KBTBD12: variants seen among roughly 807,000 people sequenced by gnomAD.
KBTBD12 encodes kelch repeat and BTB domain-containing protein 12.
Under a neutral mutation model 58.7 loss-of-function variants are expected in KBTBD12, and 53 were observed. That is an observed-to-expected ratio of 0.90 (90% CI 0.72 to 1.14). The LOEUF (loss-of-function observed/expected upper bound fraction) is 1.14. Among genes scored for constraint, KBTBD12 ranks in the 50% most tolerant of loss-of-function variants. KBTBD12 has a pLI of 0.00. For synonymous variants in KBTBD12, 236 were observed against 259.8 expected (o/e 0.91, Z 0.88); for missense variants, 704 against 751.3 (o/e 0.94, Z 0.74).
chr3:127,977,770 A>G (rs1312413079), intron 5 of KBTBD12, among the ~76,000 whole-genome samples: 2 of 152,038 alleles, frequency 1.3e-5, no homozygotes, highest in African/African-American at 2.4e-5. Context: ...CTCCCATTCT[A>G]TAGGTTGTTT....
At chr3:127,939,426 G>A (rs1350942447) in intron 4 of KBTBD12, among the ~76,000 whole-genome samples, 1 of 151,982 alleles carries the variant, frequency 6.6e-6, no homozygotes, top group African/African-American at 2.4e-5. Context: ...TCTCAGGGAG[G>A]GTTTTTCAAT....
rs200328615 is a variant in KBTBD12 at position 127,958,672 on chromosome 3, TC to T, written c.1493-4514del. Among the ~76,000 whole-genome samples, 904 of 152,280 alleles carry T rather than the reference TC, an allele frequency of 5.9e-3. 10 individuals carry two copies. The highest frequency in any genetic ancestry group is 0.021 in the African/African-American group (854 of 41,554). On this transcript the variant is annotated intron_variant, in intron 4 of 5. Coordinates refer to ENST00000405109, the MANE Select transcript of KBTBD12 (RefSeq NM_207335.4). ...TCAGATAATTCCAACACTTGATTTT[TC>T]CCTCCAAAATGAAGCAAAATCAAGC...
At chr3:127,983,169 AT>A (rs1465386424) in intron 5 of KBTBD12, among the ~76,000 whole-genome samples, 2 of 152,230 alleles carry the variant, frequency 1.3e-5, no homozygotes, top group Non-Finnish European at 2.9e-5. Flanking sequence ...TTTTGACTGA[AT>A]TGTGAACGTG....
intron 2 of KBTBD12, 41 bp downstream of exon 2, chr3:127,924,172 G>C: frequency 7.8e-7 from 1 of 1,281,376 alleles, no homozygotes; most frequent in Non-Finnish European, 1.1e-6. Context: ...ATTTTGTTTT[G>C]ATACTAGCAG....
At chr3:127,982,510 T>TA (rs1422643815) in intron 5 of KBTBD12, among the ~76,000 whole-genome samples, 1 of 152,106 alleles carries the variant, frequency 6.6e-6, no homozygotes, top group Non-Finnish European at 1.5e-5. Flanking sequence ...AGGTGTCCAC[T>TA]CTCCCCTGCC....
chr3:127,932,081 A>G (rs1939717202), intron 4 of KBTBD12, among the ~76,000 whole-genome samples: 1 of 152,126 alleles, frequency 6.6e-6, no homozygotes, highest in Non-Finnish European at 1.5e-5. Flanking sequence ...AACACAGCAA[A>G]GAGAAGAAGA....
chr3:127,972,154 T>C lies in KBTBD12; in HGVS notation c.1690+8768T>C, dbSNP rs61055793. 5.7e-3 allele frequency among the ~76,000 whole-genome samples: 861 copies of C among 152,316 alleles called. 7 individuals are homozygous for C. Among genetic ancestry groups the C allele is most frequent in the African/African-American group, 0.019 (779 of 41,560 alleles). On this transcript the variant is annotated intron_variant, in intron 5 of 5. Coordinates refer to ENST00000405109, the MANE Select transcript of KBTBD12 (RefSeq NM_207335.4). ...AAGCACTTTGCATGTGTTAATTTATTTGATTCTCTCAACAGCCTGCAACTA... is the reference window on the plus strand; with the variant it reads ...AAGCACTTTGCATGTGTTAATTTATCTGATTCTCTCAACAGCCTGCAACTA...
At chr3:127,952,992 A>T (rs1267882723) in intron 4 of KBTBD12, among the ~76,000 whole-genome samples, 1 of 152,230 alleles carries the variant, frequency 6.6e-6, no homozygotes, top group Non-Finnish European at 1.5e-5. Flanking sequence ...TAATAGCACC[A>T]TGTGATTTTG....
chr3:127,916,181 A>G (rs1309581119), intron 1 of KBTBD12, among the ~76,000 whole-genome samples: 1 of 151,992 alleles, frequency 6.6e-6, no homozygotes, highest in African/African-American at 2.4e-5. Context: ...AGAAAAGAAA[A>G]CTGGTCTTAT....
At chr3:127,917,348 G>A (rs1466942696) in intron 1 of KBTBD12, among the ~76,000 whole-genome samples, 6 of 152,220 alleles carry the variant, frequency 3.9e-5, no homozygotes, top group Non-Finnish European at 7.3e-5. Flanking sequence ...CAAGGATACA[G>A]GTGAAGCGAT....
intron 4 of KBTBD12, among the ~76,000 whole-genome samples, chr3:127,957,521 G>A (rs1476356330): frequency 6.6e-6 from 1 of 152,192 alleles, no homozygotes; most frequent in African/African-American, 2.4e-5. Context: ...CAGGATCTGA[G>A]ATTAGATTCC....
rs1206486175 is a variant in KBTBD12, at chr3:127,915,536, C to G, written c.-163C>G. 1 of 152,404 alleles carries G rather than the reference C, an allele frequency of 6.6e-6. No individual in the cohort carries two copies. Among genetic ancestry groups the G allele is most frequent in the Non-Finnish European group, 1.5e-5 (1 of 68,172 alleles). 9.4% of individuals were successfully genotyped at this position (152,404 alleles called of 1,614,324 possible). On this transcript the variant is annotated 5_prime_UTR_variant, in exon 1 of 6. Transcript: ENST00000405109. ...CCCTGCCACACGGTAGCGTCCAAGC[C>G]AGGTCGTGGCCCAGCGAGTGGGGAC...
chr3:127,957,365 T>C (rs1196534054), intron 4 of KBTBD12, among the ~76,000 whole-genome samples: 3 of 152,222 alleles, frequency 2.0e-5, no homozygotes, highest in African/African-American at 7.2e-5. Context: ...CAAGGACTTA[T>C]AAAATTTTGT....
At chr3:127,924,980 C>A (rs1482447789) in intron 2 of KBTBD12, among the ~76,000 whole-genome samples, 3 of 152,160 alleles carry the variant, frequency 2.0e-5, no homozygotes, top group Admixed American at 2.0e-4. Context: ...CAATATTTTT[C>A]TCCTCTCAGT....
At chr3:127,966,864 A>G (rs894069042) in intron 5 of KBTBD12, among the ~76,000 whole-genome samples, 2 of 152,234 alleles carry the variant, frequency 1.3e-5, no homozygotes, top group Admixed American at 1.3e-4. Flanking sequence ...TCCTAAAGAG[A>G]AAAAACAATA....
Position 127,927,766 on chromosome 3 carries a change from A to G in KBTBD12, c.1073A>G (p.Tyr358Cys). The G allele has an allele frequency of 6.6e-7, 1 of 1,522,818 alleles. No individual in the cohort carries two copies. Among genetic ancestry groups the G allele is most frequent in the Non-Finnish European group, 8.8e-7 (1 of 1,133,484 alleles). 94.3% of individuals were successfully genotyped at this position (1,522,818 alleles called of 1,614,324 possible). The stretch of plus-strand genomic sequence containing the variant: ...GATACTCTCTCTCTCTTTTGCAGGT[A>G]TCATGATAGAGGAAACCAGTTTTGG... ...QKNKNVEIYR[Y>C]HDRGNQFWEK... is the part of the protein sequence containing the mutation. The change falls in exon 3 of 6, where the codon TAT becomes TGT. Residue 358 changes from tyrosine to cysteine, a missense_variant and splice_region_variant. Transcript: ENST00000405109.
chr3:127,926,447 AAAT>A (rs1464036897), intron 2 of KBTBD12, among the ~76,000 whole-genome samples: 1 of 152,188 alleles, frequency 6.6e-6, no homozygotes, highest in Admixed American at 6.5e-5. Flanking sequence ...ATAGTGACAA[AAAT>A]ATTGCCTGTG....
intron 4 of KBTBD12, among the ~76,000 whole-genome samples, chr3:127,958,808 C>G (rs929183498): frequency 2.6e-5 from 4 of 152,040 alleles, no homozygotes; most frequent in Non-Finnish European, 4.4e-5. Flanking sequence ...TTTTCCTGGC[C>G]TGGCAAGAAA....
chr3:127,938,966 A>G (rs1337901654), intron 4 of KBTBD12, among the ~76,000 whole-genome samples: 1 of 152,194 alleles, frequency 6.6e-6, no homozygotes, highest in East Asian at 1.9e-4. Context: ...TTCTCCTCTG[A>G]TAGCCCCTAG....
Sources: allele counts gnomAD v4.1 joint callset (sites outside exome capture counted in the v4.1 genomes callset), GRCh38; gene constraint gnomAD v4.1.1; transcripts MANE v1.5; gene names NCBI Gene and HGNC (gene_info 2026-07-23, HGNC 2026-07-21).